CCSER2: variants seen among roughly 807,000 people sequenced by gnomAD.
CCSER2 encodes the protein serine-rich coiled-coil domain-containing protein 2.
CCSER2 carries 46 observed loss-of-function variants against 92.3 expected under a neutral mutation model. The observed-to-expected ratio is 0.50, with a 90% CI of 0.39 to 0.64. The LOEUF (loss-of-function observed/expected upper bound fraction) is 0.64, where lower values mean the gene tolerates loss of function less well. Among genes scored for constraint, CCSER2 ranks in the 30% least tolerant of loss-of-function variants. The probability of loss-of-function intolerance (pLI) is 0.00; values close to 1 mark genes in which losing one functional copy is unlikely to be tolerated. For synonymous variants in CCSER2, 433 were observed against 431.4 expected (o/e 1.00, Z -0.04); for missense variants, 1,244 against 1,238.9 (o/e 1.00, Z -0.06).
At chr10:84,374,833 A>G (rs1183847493) in intron 3 of CCSER2, among the ~76,000 whole-genome samples, 3 of 152,228 alleles carry the variant, frequency 2.0e-5, no homozygotes, top group Admixed American at 6.5e-5. Flanking sequence ...GTCTGTGGAT[A>G]TATTAAATTC....
At position 84,371,161 on chromosome 10, in the gene CCSER2, A is replaced by C. The variant is rs779578400; in HGVS notation, c.109A>C (p.Asn37His). 3.7e-6 allele frequency: 6 copies of C among 1,613,584 alleles called. No individual in the cohort carries two copies. The highest frequency in any genetic ancestry group is 4.2e-6 in the Non-Finnish European group (5 of 1,179,724). The change falls in exon 2 of 10, where the codon AAT (asparagine) becomes CAT (histidine). Residue 37 changes from asparagine (N) to histidine (H), a missense_variant. Transcript: ENST00000372088. ...LQPMPNGTPV[N>H]LLGTSKNSNV... is the part of the protein sequence containing the mutation. The stretch of plus-strand genomic sequence containing the variant: ...GCCAATGCCAAATGGGACACCTGTT[A>C]ATTTATTAGGAACTTCCAAGAATAG...
intron 4 of CCSER2, among the ~76,000 whole-genome samples, chr10:84,423,229 A>T (rs1387540057): frequency 6.6e-6 from 1 of 152,240 alleles, no homozygotes; most frequent in African/African-American, 2.4e-5. Flanking sequence ...GTTTAAAAAT[A>T]TATAAACACG....
At chr10:84,507,073 G>T (rs1022902035) in intron 9 of CCSER2, among the ~76,000 whole-genome samples, 9 of 152,198 alleles carry the variant, frequency 5.9e-5, no homozygotes, top group Non-Finnish European at 1.0e-4. Flanking sequence ...GTACTAACTC[G>T]CAAATTACTT....
intron 8 of CCSER2, among the ~76,000 whole-genome samples, chr10:84,475,568 G>C (rs1847090541): frequency 6.6e-6 from 1 of 152,080 alleles, no homozygotes; most frequent in African/African-American, 2.4e-5. Flanking sequence ...ATTATGTCCT[G>C]ATAAACCCAT....
chr10:84,378,790 C>T (rs1250972127), intron 3 of CCSER2, among the ~76,000 whole-genome samples: 3 of 152,152 alleles, frequency 2.0e-5, no homozygotes, highest in Non-Finnish European at 4.4e-5. Context: ...CCAGTCTGGC[C>T]TTGAACTCCT....
chr10:84,450,280 G>A (rs928609545), intron 6 of CCSER2, among the ~76,000 whole-genome samples: 6 of 152,140 alleles, frequency 3.9e-5, no homozygotes, highest in Non-Finnish European at 1.5e-5. Context: ...TTTTCATCAT[G>A]ACTAGAATTT....
At position 84,377,124 on chromosome 10, in the gene CCSER2, G is replaced by A. The variant is rs576523493; in HGVS notation, c.1614+3309G>A. On this transcript the variant is annotated intron_variant, in intron 3 of 9. Coordinates refer to ENST00000372088, the MANE Select transcript of CCSER2 (RefSeq NM_001284240.2). ...TATTTACATTTTATATATGTAGAGT[G>A]TATTCTTTACTGTGAGTTGCTTTTG... is the stretch of plus-strand genomic sequence containing the variant. Among the ~76,000 whole-genome samples the A allele has an allele frequency of 2.7e-4, 41 of 152,136 alleles. No individual in the cohort carries two copies. In the South Asian group the frequency reaches 7.7e-3, roughly 28 times the overall value.
rs78767549 is a variant in CCSER2 at position 84,365,153 on chromosome 10, A to G, written c.-39-5861A>G. Among the ~76,000 whole-genome samples the G allele has an allele frequency of 8.2e-4, 125 of 152,334 alleles. 1 individual carries two copies. In the East Asian group the frequency reaches 8.7e-3, roughly 11 times the overall value. The stretch of plus-strand genomic sequence containing the variant: ...GACATTTTCAAGCACTGGTCCAGAT[A>G]TTAGTCTTAGTTCACCACTAAATTA... On this transcript the variant is annotated intron_variant, in intron 1 of 9. Coordinates refer to ENST00000372088, the MANE Select transcript of CCSER2 (RefSeq NM_001284240.2).
chr10:84,371,980 A>AC lies in CCSER2; in HGVS notation c.929dup (p.Ser311PhefsTer6). Reference sequence around the variant, plus strand: ...GGCTTTACCAAATGGCCCAGGTGTAACTTCTACTTTAGGTTATAGAATGGT... The same window carrying AC: ...GGCTTTACCAAATGGCCCAGGTGTAACCTTCTACTTTAGGTTATAGAATGGT... On this transcript the variant is annotated frameshift_variant, in exon 2 of 10. Coordinates refer to ENST00000372088, the MANE Select transcript of CCSER2 (RefSeq NM_001284240.2). LOFTEE classifies it high-confidence loss of function. The AC allele has an allele frequency of 6.2e-7, 1 of 1,613,732 alleles. No individual in the cohort carries two copies. Among genetic ancestry groups the AC allele is most frequent in the Non-Finnish European group, 8.5e-7 (1 of 1,179,768 alleles).
intron 9 of CCSER2, among the ~76,000 whole-genome samples, chr10:84,498,123 T>C (rs901916809): frequency 2.0e-5 from 3 of 152,236 alleles, no homozygotes; most frequent in Non-Finnish European, 4.4e-5. Context: ...ATGACTGTTT[T>C]CTTAAACATG....
At chr10:84,459,584 A>C (rs1249190006) in intron 6 of CCSER2, among the ~76,000 whole-genome samples, 1 of 151,868 alleles carries the variant, frequency 6.6e-6, no homozygotes, top group Non-Finnish European at 1.5e-5. Context: ...GTGCAGTGGC[A>C]CAGTCATGAC....
chr10:84,455,779 G>C lies in CCSER2; in HGVS notation c.2065-8154G>C, dbSNP rs1589712510. On this transcript the variant is annotated intron_variant, in intron 6 of 9. Coordinates refer to ENST00000372088, the MANE Select transcript of CCSER2 (RefSeq NM_001284240.2). ...AGGGAACTTGATGAACTCCAGTTAA[G>C]GTAATGTAGATTTTCACAGACTTAT... 2.7e-6 allele frequency: 3 copies of C among 1,110,564 alleles called. No individual in the cohort carries two copies. In the Admixed American group the frequency reaches 5.1e-5, roughly 19 times the overall value. 68.8% of individuals were successfully genotyped at this position (1,110,564 alleles called of 1,614,324 possible). A position where few individuals can be genotyped will look rare whatever the true frequency, so the allele number is the denominator to read the frequency against.
At chr10:84,429,303 A>G (rs1843629260) in intron 5 of CCSER2, among the ~76,000 whole-genome samples, 1 of 151,998 alleles carries the variant, frequency 6.6e-6, no homozygotes, top group African/African-American at 2.4e-5. Context: ...TTGGTTTATA[A>G]TGTTGCTTAA....
intron 3 of CCSER2, among the ~76,000 whole-genome samples, chr10:84,378,432 ATTTTTTT>A (rs386371982): frequency 7.4e-6 from 1 of 135,938 alleles, no homozygotes; most frequent in Non-Finnish European, 1.6e-5. Flanking sequence ...TTAAAATTAA[ATTTTTTT>A]TTTTTTTTTT....
intron 1 of CCSER2, among the ~76,000 whole-genome samples, chr10:84,333,512 A>G (rs888781101): frequency 6.6e-6 from 1 of 152,196 alleles, no homozygotes; most frequent in African/African-American, 2.4e-5. Context: ...CAAAAGTATT[A>G]TCTTATTATC....
At chr10:84,385,013 A>G (rs1052547792) in intron 3 of CCSER2, among the ~76,000 whole-genome samples, 1 of 151,550 alleles carries the variant, frequency 6.6e-6, no homozygotes, top group African/African-American at 2.4e-5. Context: ...AAACACACAC[A>G]CACACACACA....
chr10:84,449,442 C>T (rs1379791423), intron 6 of CCSER2, among the ~76,000 whole-genome samples: 2 of 152,038 alleles, frequency 1.3e-5, no homozygotes, highest in African/African-American at 2.4e-5. Flanking sequence ...CCTACTTGTA[C>T]GATGTTGGAA....
At position 84,480,032 on chromosome 10, in the gene CCSER2, C is replaced by T. The variant is rs971432146; in HGVS notation, c.2325+2368C>T. 6.6e-5 allele frequency among the ~76,000 whole-genome samples: 10 copies of T among 152,186 alleles called. No individual in the cohort carries two copies. The South Asian group carries it at 1.0e-3, about 16-fold the overall frequency. On this transcript the variant is annotated intron_variant, in intron 9 of 9. Coordinates refer to ENST00000372088, the MANE Select transcript of CCSER2 (RefSeq NM_001284240.2). ...TACTGTGATAATCCATAGAAACATA[C>T]TTGTATTTTAAAAGTTATTTAATTT... is the stretch of plus-strand genomic sequence containing the variant.
At chr10:84,331,277 G>A (rs775245864) in intron 1 of CCSER2, among the ~76,000 whole-genome samples, 1 of 152,152 alleles carries the variant, frequency 6.6e-6, no homozygotes, top group Non-Finnish European at 1.5e-5. Flanking sequence ...CAGAGGGAGT[G>A]CAAATCTGCT....
Sources: allele counts gnomAD v4.1 joint callset (sites outside exome capture counted in the v4.1 genomes callset), GRCh38; gene constraint gnomAD v4.1.1; transcripts MANE v1.5; gene names NCBI Gene and HGNC (gene_info 2026-07-23, HGNC 2026-07-21).